HPSE2: variants seen among roughly 807,000 people sequenced by gnomAD.
The protein encoded by HPSE2 is heparanase 2 (inactive), also known as inactive heparanase-2.
A neutral mutation model predicts 60.5 loss-of-function variants in HPSE2; 38 were observed. The ratio of observed to expected loss-of-function variants is 0.63; its 90% CI spans 0.48 to 0.82. HPSE2 has a LOEUF of 0.82. HPSE2 is among the 40% of genes least tolerant of loss of function. The probability of loss-of-function intolerance (pLI) is 0.00; values close to 1 mark genes in which losing one functional copy is unlikely to be tolerated. For synonymous variants in HPSE2, 295 were observed against 293.2 expected, an observed-to-expected ratio of 1.01 and a Z score of -0.06; for missense variants, 713 against 740.4, an observed-to-expected ratio of 0.96 and a Z score of 0.43.
the HPSE2 span, among the ~76,000 whole-genome samples, chr10:99,302,239 T>C: frequency 6.6e-6 from 1 of 152,132 alleles, no homozygotes; most frequent in South Asian, 2.1e-4. Context: ...AGAGTCAATA[T>C]ATATACTGAC....
intron 3 of HPSE2, among the ~76,000 whole-genome samples, chr10:98,756,202 A>G (rs927506049): frequency 6.6e-6 from 1 of 152,138 alleles, no homozygotes; most frequent in Non-Finnish European, 1.5e-5. Context: ...TATAGCACTA[A>G]ACACCCACAT....
At chr10:98,482,538 C>A (rs1031978035) in intron 11 of HPSE2, 98 bp downstream of exon 11, 2 of 1,453,490 alleles carry the variant, frequency 1.4e-6, no homozygotes, top group South Asian at 1.1e-5. Context: ...TCCCACTGAG[C>A]CCTTGAGAGA....
At chr10:99,034,590 A>T (rs1275869363) in intron 3 of HPSE2, among the ~76,000 whole-genome samples, 1 of 152,198 alleles carries the variant, frequency 6.6e-6, no homozygotes, top group Non-Finnish European at 1.5e-5. Flanking sequence ...CAGAGACATA[A>T]ATACACAGAT....
intron 6 of HPSE2, among the ~76,000 whole-genome samples, 153 bp downstream of exon 6, chr10:98,693,747 T>A (rs1948139510): frequency 6.6e-6 from 1 of 152,234 alleles, no homozygotes; most frequent in East Asian, 1.9e-4. Context: ...AGACAGTATG[T>A]GCCATAAAAA....
intron 9 of HPSE2, among the ~76,000 whole-genome samples, chr10:98,595,085 T>C (rs1185392410): frequency 6.6e-6 from 1 of 152,164 alleles, no homozygotes; most frequent in Non-Finnish European, 1.5e-5. Context: ...CATCAATGTT[T>C]TATAGTTTTC....
At chr10:99,298,715 G>A in the HPSE2 span, among the ~76,000 whole-genome samples, 128,599 of 149,558 alleles carry the variant, frequency 0.86, 55,587 homozygotes, top group African/African-American at 0.93. Flanking sequence ...TCGCTCTGTC[G>A]CCAGGCTGGA....
intron 3 of HPSE2, among the ~76,000 whole-genome samples, chr10:98,941,113 C>T (rs1954985201): frequency 7.0e-6 from 1 of 142,394 alleles, no homozygotes; most frequent in South Asian, 2.1e-4. Context: ...ATGACGAACC[C>T]ACAGCCAGTA....
chr10:99,158,577 G>T (rs1846683591), intron 2 of HPSE2, among the ~76,000 whole-genome samples: 1 of 142,712 alleles, frequency 7.0e-6, no homozygotes, highest in Non-Finnish European at 1.5e-5. Flanking sequence ...CACAGGAAGG[G>T]GACTATCACA....
intron 9 of HPSE2, among the ~76,000 whole-genome samples, chr10:98,498,145 C>A (rs964393656): frequency 9.2e-5 from 14 of 152,260 alleles, no homozygotes; most frequent in Admixed American, 8.5e-4. Flanking sequence ...AAGCAGCATG[C>A]GGAGGCTCGC....
intron 10 of HPSE2, among the ~76,000 whole-genome samples, chr10:98,489,135 C>A (rs761576606): frequency 6.6e-6 from 1 of 152,156 alleles, no homozygotes; most frequent in African/African-American, 2.4e-5. Flanking sequence ...CGTATCCCCC[C>A]ACCAGGTTTT....
chr10:99,283,955 T>C, the HPSE2 span, among the ~76,000 whole-genome samples: 1 of 151,490 alleles, frequency 6.6e-6, no homozygotes, highest in Admixed American at 6.6e-5. Context: ...TTCTGCCATT[T>C]AAAAAGGAAT....
intron 3 of HPSE2, among the ~76,000 whole-genome samples, chr10:98,909,308 T>C (rs2135014186): frequency 6.6e-6 from 1 of 152,200 alleles, no homozygotes; most frequent in African/African-American, 2.4e-5. Context: ...GAACATGTAA[T>C]AGTTCCACAA....
intron 3 of HPSE2, among the ~76,000 whole-genome samples, chr10:98,748,764 GAGA>G (rs1017390364): frequency 2.0e-5 from 3 of 151,974 alleles, no homozygotes; most frequent in East Asian, 1.9e-4. Flanking sequence ...ACAACAAAAA[GAGA>G]AGAAGAAGAA....
chr10:99,114,831 G>A (rs374554912), intron 3 of HPSE2, among the ~76,000 whole-genome samples: 14 of 149,716 alleles, frequency 9.4e-5, no homozygotes, highest in African/African-American at 2.5e-4. Context: ...GGAGAATGGC[G>A]TGAACCCGGG....
chr10:98,651,243 G>C (rs141122296), intron 6 of HPSE2, among the ~76,000 whole-genome samples: 1 of 152,148 alleles, frequency 6.6e-6, no homozygotes, highest in African/African-American at 2.4e-5. Context: ...TATTTACCAT[G>C]ATATATGTGT....
At chr10:99,144,191 T>C in intron 3 of HPSE2, 47 bp downstream of exon 3, 1 of 1,595,684 alleles carries the variant, frequency 6.3e-7, no homozygotes, top group Non-Finnish European at 8.6e-7. Context: ...AAAAAACAAG[T>C]TACTAACTGA....
chr10:99,303,995 G>T, the HPSE2 span, among the ~76,000 whole-genome samples: 2 of 152,156 alleles, frequency 1.3e-5, no homozygotes, highest in African/African-American at 4.8e-5. Context: ...CCTTAGATTA[G>T]GCATCCAGAG....
At chr10:98,946,761 T>A (rs1174216830) in intron 3 of HPSE2, among the ~76,000 whole-genome samples, 1 of 152,132 alleles carries the variant, frequency 6.6e-6, no homozygotes, top group African/African-American at 2.4e-5. Context: ...TATTAAGCCA[T>A]AACTACATAA....
At position 98,679,171 on chromosome 10, in the gene HPSE2, T is replaced by C. The variant is rs144663458; in HGVS notation, c.1004+14729A>G. 6.8e-4 allele frequency among the ~76,000 whole-genome samples: 104 copies of C among 152,250 alleles called. 1 individual carries two copies. The highest frequency in any genetic ancestry group is 2.4e-3 in the African/African-American group (101 of 41,552). On this transcript the variant is annotated intron_variant, in intron 6 of 11. Coordinates refer to ENST00000370552, the MANE Select transcript of HPSE2 (RefSeq NM_021828.5). ...TGGAAATACCATGTGTCTTTGAGAA[T>C]GAGGGGATGCATGGAGTGAAACAGG...
Sources: allele counts gnomAD v4.1 joint callset (sites outside exome capture counted in the v4.1 genomes callset), GRCh38; gene constraint gnomAD v4.1.1; transcripts MANE v1.5; gene names NCBI Gene and HGNC (gene_info 2026-07-23, HGNC 2026-07-21).